Variants in NRXN1 observed in about 807,000 individuals in gnomAD.
NRXN1 encodes neurexin-1.
Under a neutral mutation model 150.9 loss-of-function variants are expected in NRXN1, and 39 were observed. The observed-to-expected ratio is 0.26, with a 90% CI of 0.20 to 0.34. The LOEUF is 0.34. Ranked by LOEUF, NRXN1 falls within the 10% of genes least tolerant of loss-of-function variation. The probability of loss-of-function intolerance (pLI) is 1.00; values close to 1 mark genes in which losing one functional copy is unlikely to be tolerated. For synonymous variants in NRXN1, 924 were observed against 757.0 expected (o/e 1.22, Z -3.62); for missense variants, 1,815 against 1,949.9 (o/e 0.93, Z 1.30).
chr2:50,626,683 T>C (rs13389162), intron 5 of NRXN1, among the ~76,000 whole-genome samples: 92,332 of 151,626 alleles, frequency 0.61, 28,337 homozygotes, highest in East Asian at 0.73. Context: ...CAATAAAGTT[T>C]GATATGGAAG....
At chr2:50,131,200 T>C (rs1705432662) in intron 18 of NRXN1, among the ~76,000 whole-genome samples, 1 of 152,210 alleles carries the variant, frequency 6.6e-6, no homozygotes, top group Admixed American at 6.5e-5. Context: ...TCATTATTAA[T>C]CTTCAAGAGA....
intron 21 of NRXN1, among the ~76,000 whole-genome samples, chr2:49,961,321 C>T (rs752255202): frequency 3.1e-5 from 3 of 96,246 alleles, no homozygotes; most frequent in African/African-American, 5.4e-5. Context: ...CGCACGCATG[C>T]ACACACACAC....
chr2:50,180,063 G>A (rs1001523733), intron 18 of NRXN1, among the ~76,000 whole-genome samples: 4 of 151,908 alleles, frequency 2.6e-5, no homozygotes, highest in Non-Finnish European at 5.9e-5. Flanking sequence ...TGTTGTCCAG[G>A]CTGGCTGGAG....
intron 17 of NRXN1, among the ~76,000 whole-genome samples, chr2:50,330,406 G>T (rs912973608): frequency 2.0e-5 from 3 of 151,964 alleles, no homozygotes; most frequent in African/African-American, 7.3e-5. Context: ...AAAAACATAG[G>T]CTCTCCTTTT....
At chr2:50,191,104 C>A (rs2152822322) in intron 18 of NRXN1, among the ~76,000 whole-genome samples, 1 of 152,036 alleles carries the variant, frequency 6.6e-6, no homozygotes, top group Admixed American at 6.5e-5. Context: ...TCTCAGCTCA[C>A]TATAACCTCC....
intron 12 of NRXN1, among the ~76,000 whole-genome samples, chr2:50,515,603 GT>G (rs2092606355): frequency 6.3e-4 from 33 of 52,054 alleles, no homozygotes; most frequent in South Asian, 1.1e-3. Context: ...TGCTTGGGGT[GT>G]GTGTGTGTGT....
intron 18 of NRXN1, among the ~76,000 whole-genome samples, chr2:50,216,048 A>G (rs2063374263): frequency 6.6e-6 from 1 of 152,000 alleles, no homozygotes. Context: ...AGATGGTGTC[A>G]GAAAAGTTAT....
intron 5 of NRXN1, among the ~76,000 whole-genome samples, chr2:50,796,806 G>T (rs1406650361): frequency 1.3e-5 from 2 of 152,036 alleles, no homozygotes; most frequent in Admixed American, 1.3e-4. Context: ...AGTCCATTTG[G>T]GCTGCTACAG....
chr2:50,617,953 T>C (rs1679318612), intron 8 of NRXN1, among the ~76,000 whole-genome samples: 1 of 152,206 alleles, frequency 6.6e-6, no homozygotes, highest in Non-Finnish European at 1.5e-5. Context: ...ATCAGAAGAT[T>C]ATGTGTCTCA....
Position 50,528,545 on chromosome 2 carries a change from GCTCT to G in NRXN1, c.2374+76_2374+79del, listed in dbSNP as rs879193242. 35 of 781,194 alleles carry G rather than the reference GCTCT, an allele frequency of 4.5e-5. 1 individual carries two copies. The South Asian group carries it at 5.2e-4, about 12-fold the overall frequency. 48.4% of individuals were successfully genotyped at this position (781,194 alleles called of 1,614,324 possible). A position where few individuals can be genotyped will look rare whatever the true frequency, so the allele number is the denominator to read the frequency against. On this transcript the variant is annotated intron_variant, in intron 12 of 22. Coordinates refer to ENST00000401669, the MANE Select transcript of NRXN1 (RefSeq NM_001330078.2). ...TGAGTTTTATAAACACATTTCTCTT[GCTCT>G]CTCTCTCTCTTTTTCTTGACTAGCT...
At chr2:50,160,279 G>A (rs570239413) in intron 18 of NRXN1, among the ~76,000 whole-genome samples, 6 of 152,124 alleles carry the variant, frequency 3.9e-5, no homozygotes, top group African/African-American at 9.6e-5. Context: ...AGTTGCTAAC[G>A]TCTGTAATCC....
chr2:50,659,213 C>T (rs569865131), intron 5 of NRXN1, among the ~76,000 whole-genome samples: 3 of 151,986 alleles, frequency 2.0e-5, no homozygotes, highest in South Asian at 2.1e-4. Flanking sequence ...AGTATATAAG[C>T]AATTGTTCTT....
intron 8 of NRXN1, among the ~76,000 whole-genome samples, chr2:50,598,694 CTA>C (rs201133390): frequency 2.5e-4 from 36 of 141,998 alleles, no homozygotes; most frequent in South Asian, 1.3e-3. Context: ...ATATACATAT[CTA>C]TATATATATA....
At chr2:50,553,412 A>C (rs766639457) in intron 8 of NRXN1, among the ~76,000 whole-genome samples, 1 of 152,214 alleles carries the variant, frequency 6.6e-6, no homozygotes, top group Non-Finnish European at 1.5e-5. Flanking sequence ...AATTAAATAT[A>C]AGCACTGAGG....
chr2:49,944,061 G>T (rs576537418), intron 21 of NRXN1, among the ~76,000 whole-genome samples: 1 of 152,312 alleles, frequency 6.6e-6, no homozygotes, highest in South Asian at 2.1e-4. Flanking sequence ...GATAGAAGCT[G>T]CACACAGTAT....
intron 22 of NRXN1, among the ~76,000 whole-genome samples, chr2:49,926,120 C>T (rs1047573986): frequency 1.3e-5 from 2 of 152,158 alleles, no homozygotes; most frequent in African/African-American, 2.4e-5. Context: ...GCATTTTTAA[C>T]CTATAAATGA....
At chr2:49,964,454 C>T (rs1166468333) in intron 21 of NRXN1, among the ~76,000 whole-genome samples, 1 of 151,558 alleles carries the variant, frequency 6.6e-6, no homozygotes, top group African/African-American at 2.4e-5. Context: ...GTGGCGCACA[C>T]CTGTAATGCC....
chr2:49,974,092 G>C, intron 21 of NRXN1: 1 of 716,822 alleles, frequency 1.4e-6, no homozygotes, highest in Non-Finnish European at 2.6e-6. Flanking sequence ...AATCAATACT[G>C]GTGACAGGAG....
chr2:50,551,962 G>A (rs1349376783), intron 9 of NRXN1, among the ~76,000 whole-genome samples: 5 of 152,042 alleles, frequency 3.3e-5, no homozygotes, highest in Non-Finnish European at 7.4e-5. Flanking sequence ...AACTTTACCT[G>A]CCACCTTTAC....
Sources: gnomAD v4.1 joint callset for allele counts (sites outside exome capture counted in the v4.1 genomes callset) on GRCh38, gnomAD v4.1.1 for gene constraint, MANE v1.5 for transcripts, NCBI Gene and HGNC (gene_info 2026-07-23, HGNC 2026-07-21) for gene names.